Variants in ACTR3C observed in about 807,000 individuals in gnomAD.
The protein encoded by ACTR3C is actin related protein 3C, also known as actin-related protein 3C.
Under a neutral mutation model 26.3 loss-of-function variants are expected in ACTR3C, and 18 were observed. That is an observed-to-expected ratio of 0.68 (90% CI 0.47 to 1.01). The LOEUF is 1.01. Among genes scored for constraint, ACTR3C ranks in the 50% least tolerant of loss-of-function variants. ACTR3C has a pLI of 0.00. For synonymous variants in ACTR3C, 55 were observed against 94.5 expected, an observed-to-expected ratio of 0.58 and a Z score of 2.42; for missense variants, 184 against 250.7, an observed-to-expected ratio of 0.73 and a Z score of 1.80.
At chr7:150,065,090 T>C in the ACTR3C span, among the ~76,000 whole-genome samples, 1 of 151,786 alleles carries the variant, frequency 6.6e-6, no homozygotes, top group East Asian at 1.9e-4. Context: ...GGGCTATCAA[T>C]AAAGAGAGAT....
the ACTR3C span, among the ~76,000 whole-genome samples, chr7:150,198,810 G>GGC: frequency 4.1e-5 from 6 of 146,160 alleles, no homozygotes; most frequent in African/African-American, 1.6e-4. Context: ...AGGTGGGGGG[G>GGC]TCAGCCCCCC....
the ACTR3C span, among the ~76,000 whole-genome samples, chr7:150,042,440 T>C: frequency 0.14 from 15,806 of 111,354 alleles, 1,758 homozygotes; most frequent in African/African-American, 0.38. Flanking sequence ...TCCTCCCCTG[T>C]GATGAGGGTG....
the ACTR3C span, among the ~76,000 whole-genome samples, chr7:150,231,834 T>C: frequency 6.6e-6 from 1 of 151,988 alleles, no homozygotes; most frequent in Non-Finnish European, 1.5e-5. Flanking sequence ...GAAGAACATA[T>C]GTTATGCTGT....
At chr7:149,909,012 C>T in the ACTR3C span, among the ~76,000 whole-genome samples, 1 of 151,712 alleles carries the variant, frequency 6.6e-6, no homozygotes, top group East Asian at 2.0e-4. Flanking sequence ...GAACTCCTGA[C>T]CTCAGCTGAT....
the ACTR3C span, among the ~76,000 whole-genome samples, chr7:150,173,625 C>T: frequency 4.1e-5 from 6 of 145,834 alleles, no homozygotes; most frequent in Non-Finnish European, 7.4e-5. Flanking sequence ...TTCCTCATTA[C>T]TTATGCACAT....
the ACTR3C span, among the ~76,000 whole-genome samples, chr7:149,933,799 G>A: frequency 2.0e-5 from 3 of 152,110 alleles, no homozygotes; most frequent in African/African-American, 4.8e-5. Flanking sequence ...CTCAACACTA[G>A]CAACGCATAA....
chr7:150,240,385 A>G (rs552268137), downstream of ACTR3C, among the ~76,000 whole-genome samples: 15 of 152,336 alleles, frequency 9.8e-5, no homozygotes, highest in South Asian at 2.9e-3. Context: ...CATTGCTTGT[A>G]ATGCTGATGA....
the ACTR3C span, among the ~76,000 whole-genome samples, chr7:150,149,134 C>T: frequency 8.8e-6 from 1 of 113,750 alleles, no homozygotes; most frequent in Non-Finnish European, 1.8e-5. Context: ...TATGCATTGG[C>T]CATTTGGATT....
the ACTR3C span, among the ~76,000 whole-genome samples, chr7:149,962,025 A>T: frequency 6.6e-6 from 1 of 152,252 alleles, no homozygotes; most frequent in Admixed American, 6.5e-5. Context: ...GTACACTCAC[A>T]GGAAGTGTGG....
the ACTR3C span, among the ~76,000 whole-genome samples, chr7:150,070,741 G>A: frequency 7.2e-3 from 1,036 of 143,652 alleles, 9 homozygotes; most frequent in African/African-American, 0.025. Flanking sequence ...GTGAGCCACG[G>A]TGCCTGGCCT....
chr7:150,300,107 C>A (rs1226722201), intron 1 of ACTR3C, among the ~76,000 whole-genome samples: 2 of 152,096 alleles, frequency 1.3e-5, no homozygotes, highest in Non-Finnish European at 2.9e-5. Context: ...AATGCCAACA[C>A]TTTAGGAGGC....
the ACTR3C span, among the ~76,000 whole-genome samples, chr7:150,220,135 T>A: frequency 6.8e-6 from 1 of 147,960 alleles, no homozygotes; most frequent in East Asian, 1.9e-4. Context: ...CACCAGCGGC[T>A]GCTCACACTC....
In ACTR3C at chr7:150,295,274, G is replaced by A. The variant is rs779067756; in HGVS notation, c.23C>T (p.Pro8Leu). MFESFNV[P>L]GLYIAVQAVL... is the part of the protein sequence containing the mutation. ...TACCTGAACTGCAATGTAGAGTCCT[G>A]GAACGTTAAATGATTCGAACATAAT... Residue 8 changes from proline (P) to leucine (L), a missense_variant, in exon 2 of 8, where the codon CCA becomes CTA. Pro to Leu is a moderately conservative substitution (Grantham distance 98). Coordinates refer to ENST00000683684, the MANE Select transcript of ACTR3C (RefSeq NM_001164458.2). 31 of 1,613,976 alleles carry A rather than the reference G, an allele frequency of 1.9e-5. No individual in the cohort carries two copies. The highest frequency in any genetic ancestry group is 2.5e-5 in the Non-Finnish European group (29 of 1,179,864).
At chr7:150,307,619 A>G (rs1473317173) in intron 1 of ACTR3C, among the ~76,000 whole-genome samples, 1 of 152,148 alleles carries the variant, frequency 6.6e-6, no homozygotes, top group East Asian at 1.9e-4. Context: ...TTTCAGACTC[A>G]GTCCGCCTGC....
the ACTR3C span, among the ~76,000 whole-genome samples, chr7:150,182,338 C>T: frequency 1.3e-5 from 2 of 150,856 alleles, no homozygotes; most frequent in Non-Finnish European, 2.9e-5. Context: ...CTAAGTGCTA[C>T]AAAAGAGGTT....
chr7:150,230,895 C>G, the ACTR3C span, among the ~76,000 whole-genome samples: 1 of 150,514 alleles, frequency 6.6e-6, no homozygotes, highest in Non-Finnish European at 1.5e-5. Context: ...GTTACCTTAA[C>G]TAGAGATTTA....
the ACTR3C span, among the ~76,000 whole-genome samples, chr7:150,039,978 A>G: frequency 2.4e-5 from 3 of 126,740 alleles, no homozygotes; most frequent in African/African-American, 6.1e-5. Flanking sequence ...CCTCGCGGGG[A>G]TTGCCTCCCC....
chr7:149,997,977 G>A, the ACTR3C span, among the ~76,000 whole-genome samples: 1 of 150,656 alleles, frequency 6.6e-6, no homozygotes, highest in Non-Finnish European at 1.5e-5. Flanking sequence ...CAATTTCTTT[G>A]CAGAGGAAAG....
chr7:149,927,410 C>A, the ACTR3C span, among the ~76,000 whole-genome samples: 2 of 123,642 alleles, frequency 1.6e-5, no homozygotes. Context: ...ATGCATCTCA[C>A]AATATGTGGA....
Sources: allele counts gnomAD v4.1 joint callset (sites outside exome capture counted in the v4.1 genomes callset), GRCh38; gene constraint gnomAD v4.1.1; transcripts MANE v1.5; gene names NCBI Gene and HGNC (gene_info 2026-07-23, HGNC 2026-07-21).